Variants in UNC5CL observed in about 807,000 individuals in gnomAD.
UNC5CL encodes the protein unc-5 family C-terminal like.
Under a neutral mutation model 54.1 loss-of-function variants are expected in UNC5CL, and 42 were observed. The observed-to-expected ratio is 0.78, with a 90% CI of 0.61 to 1.00. UNC5CL has a LOEUF of 1.00. UNC5CL is among the 50% of genes least tolerant of loss of function. The pLI is 0.00. For missense variants in UNC5CL, 619 were observed against 675.6 expected (o/e 0.92, Z 0.93); for synonymous variants, 285 against 285.1 (o/e 1.00, Z 0.00).
chr6:41,033,270 C>A, intron 3 of UNC5CL, 124 bp from the exon 4 acceptor site: 1 of 1,221,194 alleles, frequency 8.2e-7, no homozygotes, highest in Non-Finnish European at 1.1e-6. Flanking sequence ...AGAGAACACT[C>A]GAGGGGAGCA....
At position 41,028,169 on chromosome 6, in the gene UNC5CL, G is replaced by T. The variant is rs749083802; in HGVS notation, c.*204C>A. 6.0e-5 allele frequency: 36 copies of T among 596,114 alleles called. No individual in the cohort carries two copies. The highest frequency in any genetic ancestry group is 9.8e-5 in the Non-Finnish European group (34 of 345,920). The allele number at this position is 596,114 out of a possible 1,614,324, so 36.9% of individuals were successfully genotyped here. On this transcript the variant is annotated 3_prime_UTR_variant, in exon 9 of 9. Transcript: ENST00000244565. The surrounding 1 kb of genome is among the most constrained non-coding windows in gnomAD (Gnocchi z 4.3). ...CTCCTGCGCCCTCTGCCGGCCAGGA[G>T]GGGACCCGCACGCGGGACAGCTCGC...
rs565836218 is a variant in UNC5CL, at chr6:41,033,036, C to T, written c.797G>A (p.Arg266His). 4.2e-5 allele frequency: 68 copies of T among 1,611,044 alleles called. No individual in the cohort carries two copies. The highest frequency in any genetic ancestry group is 2.1e-4 in the African/African-American group (16 of 75,030). Residue 266 changes from arginine to histidine, a missense_variant, in exon 4 of 9, where the codon CGT becomes CAT. Transcript: ENST00000244565. ...GGGCGTGTTGTTGAGGAAGTAGATACGCAGTTGCAGATGGGACTGTCCTGG... is the reference window on the plus strand; with the variant it reads ...GGGCGTGTTGTTGAGGAAGTAGATATGCAGTTGCAGATGGGACTGTCCTGG... ...LVPGQSHLQL[R>H]IYFLNNTPCA... is the part of the protein sequence containing the mutation.
rs567111310 is a variant in UNC5CL at position 41,036,132 on chromosome 6, A to C, written c.-61-997T>G. ...AAAATGTAATGTGAACTACACATGT[A>C]ATTTTAAATTTCCTGATGGCCACAT... On this transcript the variant is annotated intron_variant, in intron 1 of 8. Transcript: ENST00000244565. 9.8e-5 allele frequency among the ~76,000 whole-genome samples: 15 copies of C among 152,384 alleles called. No homozygotes were observed. In the South Asian group the frequency reaches 3.1e-3, roughly 32 times the overall value.
At chr6:41,032,625 G>T (rs1358060800) in intron 4 of UNC5CL, among the ~76,000 whole-genome samples, 1 of 152,204 alleles carries the variant, frequency 6.6e-6, no homozygotes, top group African/African-American at 2.4e-5. Context: ...GCCAGGCATG[G>T]TGGTGGGCAC....
At chr6:41,034,289 AC>A (rs902537750) in intron 2 of UNC5CL, 108 bp from the exon 3 acceptor site, 4 of 1,322,732 alleles carry the variant, frequency 3.0e-6, no homozygotes, top group Non-Finnish European at 4.1e-6. Context: ...CCCAGGAGAG[AC>A]CCCCAGCAGG....
In UNC5CL at chr6:41,032,939, G is replaced by A. The variant is rs951259586; in HGVS notation, c.894C>T (p.Phe298=). 1.1e-5 allele frequency: 17 copies of A among 1,605,614 alleles called. No homozygotes were observed. Among genetic ancestry groups the A allele is most frequent in the Admixed American group, 3.4e-5 (2 of 58,844 alleles). ...GGRLRGPCQL[F]DFNGARGDQC... ...GGTCGCCCCTAGCCCCATTGAAGTC[G>A]AAGAGCTGGCAGGGCCCACGCAGGC... The change falls in exon 4 of 9, where the codon TTC becomes TTT. Residue 298 remains phenylalanine, a synonymous_variant. Transcript: ENST00000244565.
chr6:41,031,895 T>C, intron 5 of UNC5CL, 141 bp downstream of exon 5: 3 of 1,218,080 alleles, frequency 2.5e-6, no homozygotes, highest in Middle Eastern at 2.0e-4. Flanking sequence ...CAAAGATCTG[T>C]GTGGCTCCTG....
At position 41,028,776 on chromosome 6, in the gene UNC5CL, A is replaced by C. The variant is rs1267017493; in HGVS notation, c.1335-181T>G. On this transcript the variant is annotated intron_variant, in intron 8 of 8. Transcript: ENST00000244565. This position sits in a 1 kb window ranked among gnomAD's most constrained non-coding sequence, Gnocchi z 4.3. ...GAGGTGGGAAGCCCCAGGGCTTTGA[A>C]ACTTGAGATTGTCCTGGCTTGGAGG... is the stretch of plus-strand genomic sequence containing the variant. Among the ~76,000 whole-genome samples the C allele has an allele frequency of 6.6e-6, 1 of 152,020 alleles. No homozygotes were observed. The highest frequency in any genetic ancestry group is 6.5e-5 in the Admixed American group (1 of 15,284).
chr6:41,032,769 A>C, intron 4 of UNC5CL, 115 bp downstream of exon 4: 2 of 1,421,674 alleles, frequency 1.4e-6, no homozygotes, highest in East Asian at 5.0e-5. Context: ...TCGGGAAAAA[A>C]AAAGAGAGAG....
Position 41,028,443 on chromosome 6 carries a change from C to T in UNC5CL, c.1487G>A (p.Gly496Asp). 2 of 1,613,464 alleles carry T rather than the reference C, an allele frequency of 1.2e-6. No homozygotes were observed. The highest frequency in any genetic ancestry group is 1.7e-6 in the Non-Finnish European group (2 of 1,179,896). ...AIQNYLSGTH[G>D]GSPGPERGGA... is the part of the protein sequence containing the mutation. Reference sequence around the variant, plus strand: ...CCCGCGCTCGGGGCCTGGGCTGCCGCCGTGTGTCCCACTCAGGTAGTTCTG... The same window carrying T: ...CCCGCGCTCGGGGCCTGGGCTGCCGTCGTGTGTCCCACTCAGGTAGTTCTG... The change falls in exon 9 of 9, where the codon GGC becomes GAC. Residue 496 changes from glycine to aspartate, a missense_variant. Physicochemically the swap from Gly to Asp is moderately conservative, Grantham distance 94. Coordinates refer to ENST00000244565, the MANE Select transcript of UNC5CL (RefSeq NM_173561.3). This position sits in a 1 kb window ranked among gnomAD's most constrained non-coding sequence, Gnocchi z 4.3.
Position 41,032,882 on chromosome 6 carries a change from A to T in UNC5CL, c.949+2T>A. 1 of 1,593,688 alleles carries T rather than the reference A, an allele frequency of 6.3e-7. No homozygotes were observed. Among genetic ancestry groups the T allele is most frequent in the Non-Finnish European group, 8.6e-7 (1 of 1,169,170 alleles). ...TATCCCACAGGCCACTGCCTCCCTCACCCTCTGAGATGTACGTGAGCTTCA... is the reference window on the plus strand; with the variant it reads ...TATCCCACAGGCCACTGCCTCCCTCTCCCTCTGAGATGTACGTGAGCTTCA... On this transcript the variant is annotated splice_donor_variant, in intron 4 of 8. Transcript: ENST00000244565. LOFTEE classifies it high-confidence loss of function.
In UNC5CL at chr6:41,030,442, C is replaced by A. The variant is rs1762440329; in HGVS notation, c.1280G>T (p.Gly427Val). 1.2e-6 allele frequency: 2 copies of A among 1,614,182 alleles called. No individual in the cohort carries two copies. Among genetic ancestry groups the A allele is most frequent in the Non-Finnish European group, 1.7e-6 (2 of 1,180,026 alleles). ...RMLLEPNSIT[G>V]NDWRRLASHL... Reference sequence around the variant, plus strand: ...GGAGGCCAGTCTGCGCCAGTCATTGCCGGTGATGCTGTTTGGCTCCAATAA... The same window carrying A: ...GGAGGCCAGTCTGCGCCAGTCATTGACGGTGATGCTGTTTGGCTCCAATAA... Residue 427 changes from glycine (G) to valine (V), a missense_variant, in exon 8 of 9, where the codon GGC becomes GTC. Coordinates refer to ENST00000244565, the MANE Select transcript of UNC5CL (RefSeq NM_173561.3).
At chr6:41,037,209 T>C (rs769898108) in intron 1 of UNC5CL, among the ~76,000 whole-genome samples, 2 of 152,248 alleles carry the variant, frequency 1.3e-5, no homozygotes, top group Non-Finnish European at 2.9e-5. Flanking sequence ...TGCTGTCATG[T>C]GTGATTTTCC....
At chr6:41,030,567 T>G in intron 7 of UNC5CL, 66 bp from the exon 8 acceptor site, 1 of 1,609,864 alleles carries the variant, frequency 6.2e-7, no homozygotes, top group Non-Finnish European at 8.5e-7. Context: ...TTCTCCCATA[T>G]GCACCCTAAA....
rs1269803594 is a variant in UNC5CL at position 41,029,581 on chromosome 6, T to C, written c.1334+807A>G. On this transcript the variant is annotated intron_variant, in intron 8 of 8. Transcript: ENST00000244565. This position sits in a 1 kb window ranked among gnomAD's most constrained non-coding sequence, Gnocchi z 4.1. Reference sequence around the variant, plus strand: ...GCTTAGCACAGTTTCCAGGGCATAATAGGTACTTGATAAATGTTTAAATGA... The same window carrying C: ...GCTTAGCACAGTTTCCAGGGCATAACAGGTACTTGATAAATGTTTAAATGA... Among the ~76,000 whole-genome samples the C allele has an allele frequency of 3.3e-5, 5 of 152,228 alleles. No individual in the cohort carries two copies. The highest frequency in any genetic ancestry group is 5.9e-5 in the Non-Finnish European group (4 of 68,042).
At chr6:41,032,222 A>G in intron 4 of UNC5CL, 85 bp from the exon 5 acceptor site, 3 of 1,130,386 alleles carry the variant, frequency 2.7e-6, no homozygotes, top group South Asian at 2.6e-5. Context: ...GCATGAGGAC[A>G]GAACAAAGGC....
At position 41,028,933 on chromosome 6, in the gene UNC5CL, A is replaced by C. The variant is rs1004900443; in HGVS notation, c.1335-338T>G. Among the ~76,000 whole-genome samples the C allele has an allele frequency of 3.1e-5, 4 of 128,392 alleles. No individual in the cohort carries two copies. The highest frequency in any genetic ancestry group is 2.7e-4 in the South Asian group (1 of 3,666). The allele number at this position is 128,392 out of a possible 152,430, so 84.2% of individuals were successfully genotyped here. On this transcript the variant is annotated intron_variant, in intron 8 of 8. Coordinates refer to ENST00000244565, the MANE Select transcript of UNC5CL (RefSeq NM_173561.3). This position sits in a 1 kb window ranked among gnomAD's most constrained non-coding sequence, Gnocchi z 4.3. ...GCCTTCTCTACCTCCCCCACTCCAAATACACCCCTAGCCTCCCCCTAGCCT... is the reference window on the plus strand; with the variant it reads ...GCCTTCTCTACCTCCCCCACTCCAACTACACCCCTAGCCTCCCCCTAGCCT...
chr6:41,030,547 C>T (rs758856317), intron 7 of UNC5CL, 46 bp from the exon 8 acceptor site: 4 of 1,610,536 alleles, frequency 2.5e-6, no homozygotes, highest in African/African-American at 1.3e-5. Flanking sequence ...GACAAACAGA[C>T]CCACTCTGGT....
chr6:41,032,530 G>A lies in UNC5CL; in HGVS notation c.949+354C>T, dbSNP rs1055448273. Among the ~76,000 whole-genome samples, 8 of 152,294 alleles carry A rather than the reference G, an allele frequency of 5.3e-5. No homozygotes were observed. The East Asian group carries it at 5.8e-4, about 11-fold the overall frequency. ...TCCCAACACTTTCAGAGGCCGAGAC[G>A]GGTAGATTACTTGAGGTCAGGGGTT... On this transcript the variant is annotated intron_variant, in intron 4 of 8. Coordinates refer to ENST00000244565, the MANE Select transcript of UNC5CL (RefSeq NM_173561.3).
Sources: gnomAD v4.1 joint callset for allele counts (sites outside exome capture counted in the v4.1 genomes callset) on GRCh38, gnomAD v4.1.1 for gene constraint, Gnocchi (gnomAD v3.1) non-coding constraint, MANE v1.5 for transcripts, NCBI Gene and HGNC (gene_info 2026-07-23, HGNC 2026-07-21) for gene names.